The following UGT1A9 variants were observed in gnomAD, a reference collection of about 807,000 sequenced individuals.
UGT1A9 encodes the protein UDP-glucuronosyltransferase 1A9.
UGT1A9 carries 35 observed loss-of-function variants against 45.0 expected under a neutral mutation model. That is an observed-to-expected ratio of 0.78 (90% CI 0.59 to 1.03). The LOEUF (loss-of-function observed/expected upper bound fraction) is 1.03, where lower values mean the gene tolerates loss of function less well. UGT1A9 is among the 50% of genes least tolerant of loss of function. The probability of loss-of-function intolerance (pLI) is 0.00; values close to 1 mark genes in which losing one functional copy is unlikely to be tolerated. For missense variants in UGT1A9, 687 were observed against 666.6 expected (o/e 1.03, Z -0.34); for synonymous variants, 278 against 250.6 (o/e 1.11, Z -1.03).
chr2:233,695,475 G>C (rs1417810733), intron 1 of UGT1A9, among the ~76,000 whole-genome samples: 1 of 151,104 alleles, frequency 6.6e-6, no homozygotes, highest in Non-Finnish European at 1.5e-5. Flanking sequence ...CCCTTTAGAT[G>C]TTTTTCTCTT....
At chr2:233,754,200 T>C (rs1333668014) in intron 1 of UGT1A9, 4 of 162,792 alleles carry the variant, frequency 2.5e-5, no homozygotes, top group Non-Finnish European at 5.4e-5. Context: ...CAGTAAAACA[T>C]TGAAGTCAAA....
intron 1 of UGT1A9, among the ~76,000 whole-genome samples, chr2:233,676,145 C>T (rs923422051): frequency 2.6e-5 from 4 of 152,166 alleles, no homozygotes; most frequent in Non-Finnish European, 5.9e-5. Flanking sequence ...TGAGCTCCAG[C>T]GTCAGACTCC....
At chr2:233,756,441 T>C (rs1696218483) in intron 1 of UGT1A9, 1 of 152,178 alleles carries the variant, frequency 6.6e-6, no homozygotes, top group African/African-American at 2.4e-5. Flanking sequence ...TCATTGTTGT[T>C]CCCCCCAAAT....
rs34036745 is a variant in UGT1A9, at chr2:233,769,465, G to T, written c.1295+1026G>T. On this transcript the variant is annotated intron_variant, in intron 4 of 4. Transcript: ENST00000354728. The surrounding 1 kb of genome is among the most constrained non-coding windows in gnomAD (Gnocchi z 4.4). Reference sequence around the variant, plus strand: ...GGTGCACACGTGTGCATTCATATGCGTGTGTGTGTGTGTGCGTGTGTTTAT... The same window carrying T: ...GGTGCACACGTGTGCATTCATATGCTTGTGTGTGTGTGTGCGTGTGTTTAT... 1.5e-6 allele frequency: 2 copies of T among 1,316,538 alleles called. No homozygotes were observed. Among genetic ancestry groups the T allele is most frequent in the Non-Finnish European group, 2.1e-6 (2 of 963,564 alleles). 81.6% of individuals were successfully genotyped at this position (1,316,538 alleles called of 1,614,324 possible).
intron 2 of UGT1A9, 150 bp from the exon 3 acceptor site, chr2:233,767,699 A>G: frequency 1.3e-6 from 2 of 1,502,404 alleles, no homozygotes; most frequent in Non-Finnish European, 1.8e-6. Context: ...GGAAGTTGCC[A>G]GTCCTCAGAA....
chr2:233,714,641 A>G (rs2076402561), intron 1 of UGT1A9, among the ~76,000 whole-genome samples: 1 of 152,230 alleles, frequency 6.6e-6, no homozygotes. Flanking sequence ...ATTAATGTGA[A>G]TAATGCATTT....
At chr2:233,747,791 T>A in intron 1 of UGT1A9, 1 of 1,613,564 alleles carries the variant, frequency 6.2e-7, no homozygotes, top group Middle Eastern at 1.7e-4. Context: ...CTTCCTCCTA[T>A]ATTCCTAAGT....
In UGT1A9 at chr2:233,743,065, G is replaced by A. The variant is rs916889730; in HGVS notation, c.856-23969G>A. Reference sequence around the variant, plus strand: ...CCGTGTAGTCCCAACGATAAGAACAGGTGTTGGCATGAAGTGTTTATAAAT... The same window carrying A: ...CCGTGTAGTCCCAACGATAAGAACAAGTGTTGGCATGAAGTGTTTATAAAT... On this transcript the variant is annotated intron_variant, in intron 1 of 4. Coordinates refer to ENST00000354728, the MANE Select transcript of UGT1A9 (RefSeq NM_021027.3). 1.2e-5 allele frequency: 4 copies of A among 339,690 alleles called. No homozygotes were observed. The Admixed American group carries it at 1.2e-4, about 10-fold the overall frequency. The allele number at this position is 339,690 out of a possible 1,614,324, so 21.0% of individuals were successfully genotyped here.
chr2:233,740,208 A>G (rs1691334030), intron 1 of UGT1A9, among the ~76,000 whole-genome samples: 1 of 151,862 alleles, frequency 6.6e-6, no homozygotes, highest in Admixed American at 6.5e-5. Flanking sequence ...TAAATTACCC[A>G]GTCTCAGCTG....
chr2:233,713,121 ATGCGGGAGGCCT>A, intron 1 of UGT1A9: 1 of 1,614,250 alleles, frequency 6.2e-7, no homozygotes, highest in South Asian at 1.1e-5. Flanking sequence ...CTGGCTCAGC[ATGCGGGAGGCCT>A]TGCGGGACCT....
At chr2:233,731,656 T>G (rs62191916) in intron 1 of UGT1A9, among the ~76,000 whole-genome samples, 12,108 of 152,302 alleles carry the variant, frequency 0.079, 643 homozygotes, top group East Asian at 0.2. Context: ...GGTGTATATG[T>G]GCCACATTTT....
At chr2:233,713,423 T>C in intron 1 of UGT1A9, 1 of 1,614,200 alleles carries the variant, frequency 6.2e-7, no homozygotes. Flanking sequence ...TGCATGCTAC[T>C]TCCTTTGATG....
intron 1 of UGT1A9, 90 bp downstream of exon 1, chr2:233,672,879 AT>A: frequency 6.6e-7 from 1 of 1,514,768 alleles, no homozygotes; most frequent in Non-Finnish European, 8.8e-7. Context: ...TGACATTTTC[AT>A]TTGTTTCATT....
chr2:233,768,814 C>T (rs1699733347), intron 4 of UGT1A9, among the ~76,000 whole-genome samples: 1 of 152,052 alleles, frequency 6.6e-6, no homozygotes, highest in African/African-American at 2.4e-5. Context: ...GAACTCCTGA[C>T]TTCAGGTGAT....
chr2:233,681,210 C>G (rs1421439144), intron 1 of UGT1A9, among the ~76,000 whole-genome samples: 1 of 151,926 alleles, frequency 6.6e-6, no homozygotes, highest in Non-Finnish European at 1.5e-5. Flanking sequence ...ATGCCAATTT[C>G]TTTCTGGGCA....
At chr2:233,761,193 A>C (rs764178788) in intron 1 of UGT1A9, 1 of 1,614,148 alleles carries the variant, frequency 6.2e-7, no homozygotes, top group Non-Finnish European at 8.5e-7. Flanking sequence ...ATATTCTTTC[A>C]GATGTATTAC....
At chr2:233,687,171 A>C (rs6753569) in intron 1 of UGT1A9, among the ~76,000 whole-genome samples, 59,784 of 152,048 alleles carry the variant, frequency 0.39, 11,945 homozygotes, top group South Asian at 0.45. Flanking sequence ...TGGCATGTGG[A>C]TATGAATCAG....
chr2:233,729,091 G>C (rs745755811), intron 1 of UGT1A9: 70 of 1,612,484 alleles, frequency 4.3e-5, no homozygotes, highest in Non-Finnish European at 5.1e-5. Flanking sequence ...GGCACAGCGT[G>C]GGGTGGACAG....
intron 1 of UGT1A9, chr2:233,755,246 CAGCACCTCGTAGT>C (rs1394904352): frequency 2.4e-6 from 2 of 850,962 alleles, no homozygotes; most frequent in Non-Finnish European, 3.5e-6. Flanking sequence ...GGGGTACTCC[CAGCACCTCGTAGT>C]AGTCCACTAT....
Sources: gnomAD v4.1 joint callset for allele counts (sites outside exome capture counted in the v4.1 genomes callset) on GRCh38, gnomAD v4.1.1 for gene constraint, Gnocchi (gnomAD v3.1) non-coding constraint, MANE v1.5 for transcripts, NCBI Gene and HGNC (gene_info 2026-07-23, HGNC 2026-07-21) for gene names.